ATM: variants seen among roughly 807,000 people sequenced by gnomAD.
The protein encoded by ATM is serine-protein kinase ATM.
Under a neutral mutation model 387.0 loss-of-function variants are expected in ATM, and 308 were observed. The observed-to-expected ratio is 0.80, with a 90% CI of 0.73 to 0.87. The LOEUF (loss-of-function observed/expected upper bound fraction) is 0.87. Ranked by LOEUF, ATM falls within the 40% of genes least tolerant of loss-of-function variation. The pLI is 0.00. For synonymous variants in ATM, 1,156 were observed against 1,187.3 expected, an observed-to-expected ratio of 0.97 and a Z score of 0.54; for missense variants, 3,312 against 3,560.9, an observed-to-expected ratio of 0.93 and a Z score of 1.78.
At position 108,345,758 on chromosome 11, in the gene ATM, TC is replaced by T; in HGVS notation, c.8435del (p.Ser2812PhefsTer45). On this transcript the variant is annotated frameshift_variant, in exon 58 of 63. Coordinates refer to ENST00000675843, the MANE Select transcript of ATM (RefSeq NM_000051.4). LOFTEE classifies it high-confidence loss of function. ...QKKMMEVQKK[S>X]FEEKYEVFMD... Reference sequence around the variant, plus strand: ...CTATTTAAAGGAGGTGCAAAAAAAGTCTTTTGAAGAGAAATATGAAGTCTTC... The same window carrying T: ...CTATTTAAAGGAGGTGCAAAAAAAGTTTTTGAAGAGAAATATGAAGTCTTC... The T allele has an allele frequency of 6.2e-7, 1 of 1,611,462 alleles. No individual in the cohort carries two copies. Among genetic ancestry groups the T allele is most frequent in the South Asian group, 1.1e-5 (1 of 90,668 alleles).
At chr11:108,346,680 A>T (rs2088452465) in intron 58 of ATM, 1 of 155,502 alleles carries the variant, frequency 6.4e-6, no homozygotes, top group African/African-American at 2.4e-5. Context: ...TTAATGACAG[A>T]GCAAGCCAGA....
intron 22 of ATM, among the ~76,000 whole-genome samples, chr11:108,274,278 G>A (rs931434607): frequency 2.0e-5 from 3 of 151,746 alleles, no homozygotes; most frequent in Non-Finnish European, 4.4e-5. Context: ...TCTTGCTAGC[G>A]GTCTGTTTTG....
chr11:108,281,647 T>C (rs2082239511), intron 24 of ATM, among the ~76,000 whole-genome samples: 1 of 152,234 alleles, frequency 6.6e-6, no homozygotes, highest in African/African-American at 2.4e-5. Context: ...TTATAGAATG[T>C]TGGCCCCGTC....
chr11:108,231,398 A>C (rs1439293560), intron 4 of ATM: 1 of 152,100 alleles, frequency 6.6e-6, no homozygotes, highest in Non-Finnish European at 1.5e-5. Context: ...CCAACTCTTA[A>C]TTTAAGAATC....
At chr11:108,287,972 T>C (rs1314051254) in intron 27 of ATM, among the ~76,000 whole-genome samples, 1 of 152,200 alleles carries the variant, frequency 6.6e-6, no homozygotes, top group Non-Finnish European at 1.5e-5. Flanking sequence ...TCTGTAATAT[T>C]TGAACATTGT....
intron 44 of ATM, 143 bp downstream of exon 44, chr11:108,320,201 TA>T: frequency 3.0e-6 from 2 of 677,134 alleles, no homozygotes; most frequent in Non-Finnish European, 5.1e-6. Context: ...TGTTTCCTTG[TA>T]ATTCTCTGCC....
rs532296063 is a variant in ATM at position 108,364,292 on chromosome 11, A to G, written c.8851-790A>G. ...TATATTGTCTCCACTTATTACTAAG[A>G]TTTGTAAGCATTTGCTAAAGCCTAT... On this transcript the variant is annotated intron_variant, in intron 61 of 62. Transcript: ENST00000675843. 7.1e-4 allele frequency among the ~76,000 whole-genome samples: 108 copies of G among 152,300 alleles called. 1 individual carries two copies. The highest frequency in any genetic ancestry group is 2.4e-3 in the African/African-American group (101 of 41,564).
chr11:108,357,284 G>A (rs911584913), intron 61 of ATM, among the ~76,000 whole-genome samples: 3 of 152,330 alleles, frequency 2.0e-5, no homozygotes, highest in Non-Finnish European at 4.4e-5. Context: ...CAGCTGGCTT[G>A]GAGGGTCCTA....
chr11:108,323,481 T>C (rs1433150241), intron 45 of ATM, among the ~76,000 whole-genome samples: 1 of 152,132 alleles, frequency 6.6e-6, no homozygotes, highest in Non-Finnish European at 1.5e-5. Flanking sequence ...GATCTAGTGT[T>C]TGATAGCACA....
intron 50 of ATM, chr11:108,331,212 T>A: frequency 2.5e-6 from 3 of 1,221,452 alleles, no homozygotes; most frequent in Non-Finnish European, 2.0e-6. Context: ...TAGTTCTGAA[T>A]CCAGTTTAAT....
intron 40 of ATM, among the ~76,000 whole-genome samples, chr11:108,315,513 C>G (rs774359957): frequency 6.6e-6 from 1 of 151,894 alleles, no homozygotes; most frequent in Non-Finnish European, 1.5e-5. Context: ...CATGACATAA[C>G]TTTTAAAAAA....
At position 108,329,047 on chromosome 11, in the gene ATM, T is replaced by C. The variant is rs3218675; in HGVS notation, c.7116T>C (p.Asp2372=). The stretch of plus-strand genomic sequence containing the variant: ...CAGTAGAAGTTGCTGGAAATTATGA[T>C]GGAGAAAGTAGTGATGAGCTAAGAA... The part of the protein sequence containing the change: ...EKAVEVAGNY[D]GESSDELRNG... The change falls in exon 49 of 63, where the codon GAT becomes GAC. Residue 2372 remains aspartate (D), a synonymous_variant. Transcript: ENST00000675843. 6.8e-6 allele frequency: 11 copies of C among 1,613,986 alleles called. No individual in the cohort carries two copies. The highest frequency in any genetic ancestry group is 2.7e-5 in the African/African-American group (2 of 74,938).
Position 108,326,138 on chromosome 11 carries a change from A to T in ATM, c.6888A>T (p.Ala2296=), listed in dbSNP as rs200735689. The part of the protein sequence containing the change: ...CGVSEWQLEE[A]QVFWAKKEQS... Reference sequence around the variant, plus strand: ...TCTCTGAGTGGCAGCTGGAAGAAGCACAAGTATTCTGGGCAAAAAAGGAGC... The same window carrying T: ...TCTCTGAGTGGCAGCTGGAAGAAGCTCAAGTATTCTGGGCAAAAAAGGAGC... The change falls in exon 47 of 63, where the codon GCA becomes GCT. Residue 2296 remains alanine, a synonymous_variant. Coordinates refer to ENST00000675843, the MANE Select transcript of ATM (RefSeq NM_000051.4). 6.1e-5 allele frequency: 99 copies of T among 1,614,064 alleles called. No homozygotes were observed. The highest frequency in any genetic ancestry group is 8.2e-5 in the Non-Finnish European group (97 of 1,180,024).
chr11:108,331,589 T>G (rs773681189), intron 51 of ATM, 32 bp downstream of exon 51: 3 of 1,553,198 alleles, frequency 1.9e-6, no homozygotes, highest in Non-Finnish European at 2.6e-6. Context: ...ACCACAATAA[T>G]TATTTTTATT....
rs1158824663 is a variant in ATM at position 108,366,697 on chromosome 11, A to G, written c.*1189A>G. On this transcript the variant is annotated 3_prime_UTR_variant, in exon 63 of 63. Coordinates refer to ENST00000675843, the MANE Select transcript of ATM (RefSeq NM_000051.4). Reference sequence around the variant, plus strand: ...CCTGAAGTGTAGCATAAATACTGATAGGAGATTTCCCAGGCCAAGGCAAAC... The same window carrying G: ...CCTGAAGTGTAGCATAAATACTGATGGGAGATTTCCCAGGCCAAGGCAAAC... 1 of 231,234 alleles carries G rather than the reference A, an allele frequency of 4.3e-6. No homozygotes were observed. 14.3% of individuals were successfully genotyped at this position (231,234 alleles called of 1,614,324 possible).
intron 16 of ATM, among the ~76,000 whole-genome samples, chr11:108,260,488 A>G (rs1039350471): frequency 1.1e-4 from 16 of 152,220 alleles, no homozygotes; most frequent in Non-Finnish European, 1.9e-4. Context: ...TTGCTTGTTC[A>G]AAAGGAATGT....
At chr11:108,260,599 A>G (rs1192505945) in intron 16 of ATM, among the ~76,000 whole-genome samples, 1 of 152,234 alleles carries the variant, frequency 6.6e-6, no homozygotes, top group Admixed American at 6.5e-5. Flanking sequence ...TAGGTGTTAC[A>G]AAACTTCTTA....
chr11:108,296,805 T>C (rs1474938948), intron 32 of ATM, among the ~76,000 whole-genome samples: 2 of 152,244 alleles, frequency 1.3e-5, no homozygotes, highest in African/African-American at 4.8e-5. Context: ...TTCAGTTTTT[T>C]CATTGGTACT....
At position 108,335,774 on chromosome 11, in the gene ATM, T is replaced by A. The variant is rs938662937; in HGVS notation, c.8152-71T>A. On this transcript the variant is annotated intron_variant, in intron 55 of 62. Transcript: ENST00000675843. Reference sequence around the variant, plus strand: ...AGATTGGTTTGAGTGCCCTTTGCTATTCTCAGATGACTCTGTGTTTTTATA... The same window carrying A: ...AGATTGGTTTGAGTGCCCTTTGCTAATCTCAGATGACTCTGTGTTTTTATA... 2.4e-6 allele frequency: 3 copies of A among 1,269,754 alleles called. No homozygotes were observed. The African/African-American group carries it at 4.4e-5, about 19-fold the overall frequency. The allele number at this position is 1,269,754 out of a possible 1,614,324, so 78.7% of individuals were successfully genotyped here. A position where few individuals can be genotyped will look rare whatever the true frequency, so the allele number is the denominator to read the frequency against.
Sources: allele counts gnomAD v4.1 joint callset (sites outside exome capture counted in the v4.1 genomes callset), GRCh38; gene constraint gnomAD v4.1.1; transcripts MANE v1.5; gene names NCBI Gene and HGNC (gene_info 2026-07-23, HGNC 2026-07-21).